CALN1: variants seen among roughly 807,000 people sequenced by gnomAD.
CALN1 encodes the protein calneuron 1, also known as calcium-binding protein 8.
A neutral mutation model predicts 30.6 loss-of-function variants in CALN1; 17 were observed. The ratio of observed to expected loss-of-function variants is 0.56; its 90% CI spans 0.38 to 0.83. The LOEUF (loss-of-function observed/expected upper bound fraction) is 0.83, where lower values mean the gene tolerates loss of function less well. CALN1 is among the 40% of genes least tolerant of loss of function. The pLI is 0.00. For synonymous variants in CALN1, 156 were observed against 131.4 expected, an observed-to-expected ratio of 1.19 and a Z score of -1.28; for missense variants, 291 against 354.9, an observed-to-expected ratio of 0.82 and a Z score of 1.45.
At chr7:72,290,926 AT>A (rs11352227) in intron 2 of CALN1, among the ~76,000 whole-genome samples, 21,840 of 143,280 alleles carry the variant, frequency 0.15, 1,743 homozygotes, top group East Asian at 0.39. Context: ...CCTTTTAACC[AT>A]TTTTTTTTTT....
At chr7:71,968,173 G>T (rs1010572219) in intron 5 of CALN1, among the ~76,000 whole-genome samples, 5 of 152,092 alleles carry the variant, frequency 3.3e-5, no homozygotes, top group Admixed American at 2.0e-4. Context: ...TGCACAGAGT[G>T]TAAGCTATGG....
intron 1 of CALN1, among the ~76,000 whole-genome samples, chr7:72,436,225 T>A (rs553309951): frequency 2.0e-5 from 3 of 152,220 alleles, no homozygotes; most frequent in Non-Finnish European, 4.4e-5. Flanking sequence ...AATCCCCACG[T>A]GTCCTGGGAG....
At chr7:72,087,780 T>C (rs775805350) in intron 4 of CALN1, among the ~76,000 whole-genome samples, 1 of 152,090 alleles carries the variant, frequency 6.6e-6, no homozygotes, top group Non-Finnish European at 1.5e-5. Context: ...TGGATAAGGC[T>C]AGTAAGAGAG....
At chr7:72,162,196 A>G (rs1310432362) in intron 3 of CALN1, among the ~76,000 whole-genome samples, 3 of 151,972 alleles carry the variant, frequency 2.0e-5, no homozygotes, top group African/African-American at 7.2e-5. Flanking sequence ...ACTGAGAGTC[A>G]CATAATCTAT....
chr7:72,255,764 C>G (rs1272156320), intron 3 of CALN1, among the ~76,000 whole-genome samples: 1 of 137,224 alleles, frequency 7.3e-6, no homozygotes, highest in African/African-American at 2.7e-5. Context: ...AAAGTCTCAC[C>G]CTGTCGCCCA....
At chr7:71,971,144 A>G (rs1049483679) in intron 5 of CALN1, among the ~76,000 whole-genome samples, 1 of 152,204 alleles carries the variant, frequency 6.6e-6, no homozygotes, top group Non-Finnish European at 1.5e-5. Context: ...ACGCTATAAA[A>G]AGAGGCCAAA....
intron 6 of CALN1, among the ~76,000 whole-genome samples, chr7:71,799,982 C>T (rs1787208482): frequency 6.6e-6 from 1 of 152,196 alleles, no homozygotes; most frequent in African/African-American, 2.4e-5. Flanking sequence ...AGTCACAGCA[C>T]AGGAGAACTG....
intron 5 of CALN1, among the ~76,000 whole-genome samples, chr7:71,891,384 T>C (rs562609599): frequency 2.2e-4 from 34 of 152,320 alleles, no homozygotes; most frequent in African/African-American, 7.7e-4. Context: ...ACACAAGTCA[T>C]GTTCAAGGGA....
At chr7:72,377,172 G>T (rs1283503462) in intron 2 of CALN1, among the ~76,000 whole-genome samples, 3 of 152,110 alleles carry the variant, frequency 2.0e-5, no homozygotes, top group African/African-American at 7.2e-5. Context: ...ATGGTTCCCT[G>T]AATTTCCATA....
At chr7:72,422,478 C>G (rs1163820035) in intron 1 of CALN1, among the ~76,000 whole-genome samples, 1 of 152,130 alleles carries the variant, frequency 6.6e-6, no homozygotes, top group African/African-American at 2.4e-5. Context: ...GTTGCAGGGT[C>G]CCCAGCATCT....
At chr7:72,309,086 T>TA (rs1298993052) in intron 2 of CALN1, among the ~76,000 whole-genome samples, 1 of 152,154 alleles carries the variant, frequency 6.6e-6, no homozygotes, top group African/African-American at 2.4e-5. Flanking sequence ...TAGTAAGTGG[T>TA]AGACCAGGCA....
At chr7:72,460,186 C>G in the CALN1 span, among the ~76,000 whole-genome samples, 7 of 152,142 alleles carry the variant, frequency 4.6e-5, no homozygotes, top group African/African-American at 1.7e-4. Flanking sequence ...GGATCTGCCC[C>G]CATGACCCAC....
intron 3 of CALN1, among the ~76,000 whole-genome samples, chr7:72,111,933 T>G (rs1214271930): frequency 6.6e-6 from 1 of 152,078 alleles, no homozygotes; most frequent in Non-Finnish European, 1.5e-5. Flanking sequence ...GTATTTTTAG[T>G]AGAGACGGTG....
the CALN1 span, among the ~76,000 whole-genome samples, chr7:72,479,308 T>G: frequency 6.6e-6 from 1 of 152,216 alleles, no homozygotes; most frequent in Non-Finnish European, 1.5e-5. Context: ...ATAACAAGAT[T>G]TACAAGTTAT....
intron 5 of CALN1, among the ~76,000 whole-genome samples, chr7:71,888,667 G>A (rs932400604): frequency 5.9e-5 from 9 of 152,108 alleles, no homozygotes; most frequent in African/African-American, 2.2e-4. Context: ...TAGGTTGGGT[G>A]AGAAGGGAGT....
At chr7:71,936,796 C>T (rs567789597) in intron 5 of CALN1, among the ~76,000 whole-genome samples, 15 of 152,244 alleles carry the variant, frequency 9.9e-5, no homozygotes, top group South Asian at 2.1e-4. Flanking sequence ...CATGTGTTAT[C>T]GGAGAGCCTG....
chr7:71,793,255 G>A (rs184268277), intron 6 of CALN1, among the ~76,000 whole-genome samples: 42 of 152,106 alleles, frequency 2.8e-4, no homozygotes, highest in Middle Eastern at 3.4e-3. Flanking sequence ...GTAGTGAGCC[G>A]AAACTGCGCC....
chr7:71,831,884 A>C (rs1002722167), intron 5 of CALN1, among the ~76,000 whole-genome samples: 14 of 149,756 alleles, frequency 9.3e-5, no homozygotes, highest in African/African-American at 3.4e-4. Flanking sequence ...AAAAAAAAAA[A>C]AAAAAAAAAA....
rs200002923 is a variant in CALN1 at position 72,234,004 on chromosome 7, AAAAT to A, written c.244+44678_244+44681del. On this transcript the variant is annotated intron_variant, in intron 3 of 6. Coordinates refer to ENST00000395275, the MANE Select transcript of CALN1 (RefSeq NM_031468.4). ...GGGCAACAGAGCAAGATGTTGTCTC[AAAAT>A]AAATAAATAAACAAACAAACAAACA... Among the ~76,000 whole-genome samples the A allele has an allele frequency of 6.8e-4, 103 of 152,132 alleles. 1 individual carries two copies. Among genetic ancestry groups the A allele is most frequent in the African/African-American group, 1.5e-3 (63 of 41,418 alleles).
Sources: allele counts gnomAD v4.1 joint callset (sites outside exome capture counted in the v4.1 genomes callset), GRCh38; gene constraint gnomAD v4.1.1; transcripts MANE v1.5; gene names NCBI Gene and HGNC (gene_info 2026-07-23, HGNC 2026-07-21).